BCKDHB: variants seen among roughly 807,000 people sequenced by gnomAD.
The protein encoded by BCKDHB is 2-oxoisovalerate dehydrogenase subunit beta, mitochondrial.
BCKDHB carries 41 observed loss-of-function variants against 48.5 expected under a neutral mutation model. The ratio of observed to expected loss-of-function variants is 0.85; its 90% CI spans 0.66 to 1.10. The LOEUF is 1.10. Among genes scored for constraint, BCKDHB ranks in the 50% least tolerant of loss-of-function variants. BCKDHB has a pLI of 0.00. For missense variants in BCKDHB, 496 were observed against 494.2 expected (o/e 1.00, Z -0.03); for synonymous variants, 201 against 174.8 (o/e 1.15, Z -1.18).
intron 9 of BCKDHB, among the ~76,000 whole-genome samples, chr6:80,317,551 C>T (rs1768511450): frequency 6.6e-6 from 1 of 152,152 alleles, no homozygotes; most frequent in African/African-American, 2.4e-5. Context: ...GGGAAGTTCA[C>T]CAATTTTAAA....
At chr6:80,245,773 C>A (rs767707865) in intron 8 of BCKDHB, among the ~76,000 whole-genome samples, 2 of 151,958 alleles carry the variant, frequency 1.3e-5, no homozygotes, top group Non-Finnish European at 2.9e-5. Flanking sequence ...CAAGTATTAT[C>A]CAGTTAGAAA....
chr6:80,423,949 G>C, the BCKDHB span, among the ~76,000 whole-genome samples: 27 of 152,290 alleles, frequency 1.8e-4, 2 homozygotes, highest in South Asian at 5.0e-3. Flanking sequence ...TTAAATGGTA[G>C]GGAGAGATAC....
intron 8 of BCKDHB, among the ~76,000 whole-genome samples, chr6:80,251,279 C>T (rs1305500667): frequency 6.6e-6 from 1 of 152,144 alleles, no homozygotes; most frequent in Non-Finnish European, 1.5e-5. Flanking sequence ...AAGCTTTTCA[C>T]AAATAATGCT....
Position 80,335,442 on chromosome 6 carries a change from C to T in BCKDHB, c.1039-8222C>T, listed in dbSNP as rs186771735. Among the ~76,000 whole-genome samples the T allele has an allele frequency of 4.0e-3, 606 of 152,000 alleles. 13 individuals are homozygous for T. Among genetic ancestry groups the T allele is most frequent in the Admixed American group, 0.036 (555 of 15,246 alleles). ...AGGAAATTCCACTTTCAAACGTTGC[C>T]GTCAGTGCTTTCTTCTATAGGAAGA... On this transcript the variant is annotated intron_variant, in intron 9 of 9. Transcript: ENST00000320393.
intron 8 of BCKDHB, among the ~76,000 whole-genome samples, chr6:80,248,374 T>G (rs1329212244): frequency 6.6e-6 from 1 of 152,216 alleles, no homozygotes; most frequent in East Asian, 1.9e-4. Context: ...TCTGCGTTGC[T>G]TGGTTTTGTT....
chr6:80,189,009 A>T (rs577913797), intron 6 of BCKDHB, among the ~76,000 whole-genome samples: 1 of 152,238 alleles, frequency 6.6e-6, no homozygotes, highest in South Asian at 2.1e-4. Context: ...CATATTTGGG[A>T]GTGTATTTTA....
At chr6:80,164,997 A>T (rs993823111) in intron 3 of BCKDHB, among the ~76,000 whole-genome samples, 15 of 152,170 alleles carry the variant, frequency 9.9e-5, no homozygotes, top group African/African-American at 3.6e-4. Flanking sequence ...TGTCAGAGAG[A>T]CTTGTTAAAC....
At chr6:80,392,367 T>A in the BCKDHB span, among the ~76,000 whole-genome samples, 25 of 151,044 alleles carry the variant, frequency 1.7e-4, no homozygotes, top group Middle Eastern at 3.4e-3. Context: ...GCTGTATTTT[T>A]TTTTTATTTA....
chr6:80,422,392 G>A, the BCKDHB span, among the ~76,000 whole-genome samples: 1 of 152,180 alleles, frequency 6.6e-6, no homozygotes, highest in African/African-American at 2.4e-5. Context: ...GAACCTCTAG[G>A]GCAATGCAGA....
the BCKDHB span, among the ~76,000 whole-genome samples, chr6:80,428,222 A>G: frequency 6.6e-6 from 1 of 152,204 alleles, no homozygotes; most frequent in African/African-American, 2.4e-5. Context: ...CTATGGCTGC[A>G]TAGTATTCCA....
At chr6:80,350,135 C>T (rs547802534), downstream of BCKDHB, among the ~76,000 whole-genome samples, 3 of 151,714 alleles carry the variant, frequency 2.0e-5, no homozygotes, top group East Asian at 5.8e-4. Context: ...AAAAGTACCC[C>T]ACTTAGAAAC....
chr6:80,206,804 A>T (rs1774686821), intron 8 of BCKDHB, among the ~76,000 whole-genome samples: 1 of 151,988 alleles, frequency 6.6e-6, no homozygotes, highest in Admixed American at 6.6e-5. Context: ...TGAATTCCAG[A>T]AAAAGAAGAG....
chr6:80,380,406 CCT>C, the BCKDHB span, among the ~76,000 whole-genome samples: 2 of 151,790 alleles, frequency 1.3e-5, no homozygotes, highest in Admixed American at 1.3e-4. Context: ...AAGCTGGATC[CCT>C]CTCTCTTACT....
the BCKDHB span, among the ~76,000 whole-genome samples, chr6:80,382,238 T>C: frequency 3.9e-5 from 6 of 152,172 alleles, no homozygotes; most frequent in African/African-American, 1.4e-4. Flanking sequence ...GTAATACTCA[T>C]GGTTTTGGAA....
chr6:80,448,497 A>G, the BCKDHB span, among the ~76,000 whole-genome samples: 4 of 152,192 alleles, frequency 2.6e-5, no homozygotes, highest in Non-Finnish European at 5.9e-5. Context: ...CAGGATGGCA[A>G]TGACAGAGAT....
chr6:80,167,855 T>C (rs1772656458), intron 4 of BCKDHB, 44 bp downstream of exon 4: 4 of 1,595,000 alleles, frequency 2.5e-6, no homozygotes, highest in Non-Finnish European at 3.4e-6. Context: ...CATTGAAATA[T>C]TCAAGTATTG....
chr6:80,146,749 G>A (rs1771508059), intron 3 of BCKDHB, among the ~76,000 whole-genome samples: 1 of 152,146 alleles, frequency 6.6e-6, no homozygotes, highest in African/African-American at 2.4e-5. Flanking sequence ...TTAGAATAGG[G>A]AGAATTGGTT....
the BCKDHB span, among the ~76,000 whole-genome samples, chr6:80,424,548 T>A: frequency 6.6e-6 from 1 of 152,220 alleles, no homozygotes; most frequent in African/African-American, 2.4e-5. Context: ...TTCAAAACTT[T>A]AAAAATCTAA....
the BCKDHB span, among the ~76,000 whole-genome samples, chr6:80,354,590 C>T: frequency 9.9e-5 from 15 of 152,234 alleles, no homozygotes; most frequent in Admixed American, 7.2e-4. Flanking sequence ...TTTGCCTAGA[C>T]CAATGTGCAG....
Sources: gnomAD v4.1 joint callset for allele counts (sites outside exome capture counted in the v4.1 genomes callset) on GRCh38, gnomAD v4.1.1 for gene constraint, MANE v1.5 for transcripts, NCBI Gene and HGNC (gene_info 2026-07-23, HGNC 2026-07-21) for gene names.